The following TMPRSS11F variants were observed in gnomAD, a reference collection of about 807,000 sequenced individuals.
TMPRSS11F encodes the protein transmembrane protease serine 11F.
In TMPRSS11F, 47 loss-of-function variants were observed where a neutral mutation model predicts 60.2. The ratio of observed to expected loss-of-function variants is 0.78; its 90% CI spans 0.62 to 1.00. TMPRSS11F has a LOEUF of 1.00. Among genes scored for constraint, TMPRSS11F ranks in the 50% least tolerant of loss-of-function variants. The pLI is 0.00. For synonymous variants in TMPRSS11F, 166 were observed against 167.3 expected (o/e 0.99, Z 0.06); for missense variants, 519 against 522.9 (o/e 0.99, Z 0.07).
chr4:68,059,779 TA>T (rs1446889788), intron 8 of TMPRSS11F, among the ~76,000 whole-genome samples: 3 of 152,186 alleles, frequency 2.0e-5, no homozygotes, highest in Non-Finnish European at 4.4e-5. Flanking sequence ...TACAGGTTCA[TA>T]ACATTGATCT....
chr4:68,101,470 T>C (rs1347782110), intron 1 of TMPRSS11F, among the ~76,000 whole-genome samples: 1 of 152,218 alleles, frequency 6.6e-6, no homozygotes, highest in East Asian at 1.9e-4. Context: ...ATATATTAAG[T>C]GCATTCTTAA....
At chr4:68,073,593 A>G (rs1480084594) in intron 4 of TMPRSS11F, among the ~76,000 whole-genome samples, 3 of 152,216 alleles carry the variant, frequency 2.0e-5, no homozygotes, top group Non-Finnish European at 2.9e-5. Flanking sequence ...GGAGAAAGTC[A>G]TTGTCTTCTG....
chr4:68,083,790 G>A (rs902838483), intron 3 of TMPRSS11F, among the ~76,000 whole-genome samples: 2 of 152,156 alleles, frequency 1.3e-5, no homozygotes, highest in Non-Finnish European at 2.9e-5. Context: ...CTCCTTGCCT[G>A]CAAACAATCA....
chr4:68,101,506 A>T (rs1447890767), intron 1 of TMPRSS11F, among the ~76,000 whole-genome samples: 2 of 152,194 alleles, frequency 1.3e-5, no homozygotes, highest in East Asian at 3.8e-4. Flanking sequence ...TGAGATTTTG[A>T]CTATATTTTA....
At chr4:68,073,424 AG>A (rs369930861) in intron 4 of TMPRSS11F, among the ~76,000 whole-genome samples, 10 of 152,258 alleles carry the variant, frequency 6.6e-5, no homozygotes, top group Middle Eastern at 3.4e-3. Context: ...AAAAGGAGAA[AG>A]GGAAAGAAGG....
chr4:68,070,051 C>A, intron 5 of TMPRSS11F, 44 bp from the exon 6 acceptor site: 1 of 1,547,322 alleles, frequency 6.5e-7, no homozygotes, highest in South Asian at 1.2e-5. Context: ...AGAATATATT[C>A]CCATTTTCAT....
In TMPRSS11F at chr4:68,068,716, T is replaced by C. The variant is rs148901568; in HGVS notation, c.657A>G (p.Pro219=). The C allele has an allele frequency of 7.3e-5, 118 of 1,614,218 alleles. No individual in the cohort carries two copies. The African/African-American group carries it at 1.2e-3, about 16-fold the overall frequency. ...CTATGAGCTGGAGGCTGGCCTGCCA[T>C]GGCCATTCCCCTTCCATAGCTGTTT... ...GRETAMEGEW[P]WQASLQLIGS... The change falls in exon 7 of 10, where the codon CCA becomes CCG. Residue 219 remains proline (P), a synonymous_variant. Transcript: ENST00000356291.
intron 1 of TMPRSS11F, among the ~76,000 whole-genome samples, chr4:68,103,415 C>G (rs938500896): frequency 1.3e-5 from 2 of 148,344 alleles, no homozygotes; most frequent in Admixed American, 1.4e-4. Context: ...CCCTGCACTT[C>G]AGCTTGGGTG....
intron 3 of TMPRSS11F, among the ~76,000 whole-genome samples, chr4:68,087,917 T>C (rs1412665429): frequency 1.5e-5 from 2 of 135,904 alleles, no homozygotes; most frequent in African/African-American, 5.6e-5. Context: ...CCCCTTCCTG[T>C]GTCCATGTGT....
chr4:68,065,587 T>C (rs143537849), intron 7 of TMPRSS11F, among the ~76,000 whole-genome samples: 37 of 152,312 alleles, frequency 2.4e-4, no homozygotes, highest in African/African-American at 8.7e-4. Flanking sequence ...ACAAGGTTTA[T>C]ATCACCAGCA....
chr4:68,071,043 A>G (rs1723451647), intron 5 of TMPRSS11F, among the ~76,000 whole-genome samples: 1 of 152,128 alleles, frequency 6.6e-6, no homozygotes, highest in Non-Finnish European at 1.5e-5. Flanking sequence ...ACAATAAGAA[A>G]CTCTACAGCT....
chr4:68,072,226 A>ATATATATATATAT lies in TMPRSS11F; in HGVS notation c.514+96_514+97insATATATATATATA, dbSNP rs61224244. 6.6e-3 allele frequency: 526 copies of ATATATATATATAT among 79,412 alleles called. 90 individuals are homozygous for ATATATATATATAT. The highest frequency in any genetic ancestry group is 0.017 in the South Asian group (37 of 2,174). 4.9% of individuals were successfully genotyped at this position (79,412 alleles called of 1,614,324 possible). A position where few individuals can be genotyped will look rare whatever the true frequency, so the allele number is the denominator to read the frequency against. The stretch of plus-strand genomic sequence containing the variant: ...ATATATATATATATATCTTCCAAAA[A>ATATATATATATAT]AAAAATATATATATATATATATATT... On this transcript the variant is annotated intron_variant, in intron 5 of 9. Coordinates refer to ENST00000356291, the MANE Select transcript of TMPRSS11F (RefSeq NM_207407.2).
intron 1 of TMPRSS11F, among the ~76,000 whole-genome samples, chr4:68,106,563 G>A (rs1724305088): frequency 6.6e-6 from 1 of 152,152 alleles, no homozygotes; most frequent in Non-Finnish European, 1.5e-5. Context: ...AGTGACTTCA[G>A]AAGCATCAAG....
chr4:68,073,672 CGGGGGGAAGAG>C (rs1408339538), intron 4 of TMPRSS11F, among the ~76,000 whole-genome samples: 1 of 151,956 alleles, frequency 6.6e-6, no homozygotes, highest in Non-Finnish European at 1.5e-5. Flanking sequence ...GCTTAAGAGA[CGGGGGGAAGAG>C]GGAATGTTAA....
At chr4:68,097,541 G>T (rs1399027625) in intron 2 of TMPRSS11F, among the ~76,000 whole-genome samples, 4 of 151,962 alleles carry the variant, frequency 2.6e-5, no homozygotes, top group Admixed American at 2.6e-4. Context: ...TTAGTTTAAT[G>T]ACATCTGGAA....
rs373150036 is a variant in TMPRSS11F, at chr4:68,083,269, C to T, written c.282+7254G>A. ...GTCACTAGTAGAGGCAGAAAGCCTA[C>T]CTGGGCACCCCTTGAGGCTAAAGAA... On this transcript the variant is annotated intron_variant, in intron 3 of 9. Transcript: ENST00000356291. Among the ~76,000 whole-genome samples the T allele has an allele frequency of 2.7e-4, 41 of 152,272 alleles. No individual in the cohort carries two copies. The Middle Eastern group carries it at 0.031, about 114-fold the overall frequency.
intron 2 of TMPRSS11F, among the ~76,000 whole-genome samples, chr4:68,096,551 A>G (rs1025890958): frequency 8.5e-5 from 13 of 152,198 alleles, no homozygotes; most frequent in African/African-American, 3.1e-4. Flanking sequence ...TCCCTTGTAT[A>G]TATCTGAAGA....
intron 1 of TMPRSS11F, among the ~76,000 whole-genome samples, chr4:68,124,111 C>T (rs1724671221): frequency 6.6e-6 from 1 of 151,814 alleles, no homozygotes; most frequent in Non-Finnish European, 1.5e-5. Flanking sequence ...ATCCCAGCTA[C>T]TCGGGAGTCT....
intron 3 of TMPRSS11F, among the ~76,000 whole-genome samples, chr4:68,082,048 G>T (rs891054637): frequency 6.6e-6 from 1 of 152,136 alleles, no homozygotes; most frequent in African/African-American, 2.4e-5. Flanking sequence ...ACATCAAACA[G>T]ATCTCTGGGA....
Sources: allele counts gnomAD v4.1 joint callset (sites outside exome capture counted in the v4.1 genomes callset), GRCh38; gene constraint gnomAD v4.1.1; transcripts MANE v1.5; gene names NCBI Gene and HGNC (gene_info 2026-07-23, HGNC 2026-07-21).